The following EPC2 variants were observed in gnomAD, a reference collection of about 807,000 sequenced individuals.
EPC2 encodes enhancer of polycomb 2.
EPC2 carries 14 observed loss-of-function variants against 92.1 expected under a neutral mutation model. The observed-to-expected ratio is 0.15, with a 90% CI of 0.10 to 0.24. The LOEUF is 0.24. Ranked by LOEUF, EPC2 falls within the 10% of genes least tolerant of loss-of-function variation. EPC2 has a pLI of 1.00. For missense variants in EPC2, 755 were observed against 971.5 expected (o/e 0.78, Z 2.96); for synonymous variants, 340 against 334.7 (o/e 1.02, Z -0.17).
chr2:148,729,607 T>C (rs984061553), intron 2 of EPC2, among the ~76,000 whole-genome samples: 93 of 152,322 alleles, frequency 6.1e-4, no homozygotes, highest in African/African-American at 2.1e-3. Context: ...ATTACTGTCC[T>C]TCACCCAGTT....
chr2:148,744,399 A>G (rs1470107275), intron 3 of EPC2, among the ~76,000 whole-genome samples: 1 of 152,134 alleles, frequency 6.6e-6, no homozygotes, highest in Non-Finnish European at 1.5e-5. Context: ...AAGAATGTTC[A>G]GAATAAATAA....
At chr2:148,730,618 A>G (rs1682598550) in intron 2 of EPC2, among the ~76,000 whole-genome samples, 1 of 152,220 alleles carries the variant, frequency 6.6e-6, no homozygotes, top group South Asian at 2.1e-4. Context: ...GGTGAGTGCT[A>G]GAGTTTGAGA....
At chr2:148,679,694 G>T (rs1274661170) in intron 1 of EPC2, among the ~76,000 whole-genome samples, 2 of 152,146 alleles carry the variant, frequency 1.3e-5, no homozygotes, top group East Asian at 3.9e-4. Context: ...CTCCCAGGCT[G>T]GAGTGCCGTG....
intron 1 of EPC2, among the ~76,000 whole-genome samples, chr2:148,676,872 T>TG (rs70995327): frequency 0.035 from 5,001 of 141,534 alleles, 281 homozygotes; most frequent in African/African-American, 0.12. Context: ...CCACTTTTTT[T>TG]GGGGGGGGGG....
intron 2 of EPC2, among the ~76,000 whole-genome samples, chr2:148,716,642 C>T (rs905044384): frequency 2.6e-5 from 4 of 152,128 alleles, no homozygotes; most frequent in East Asian, 1.9e-4. Context: ...TAGATTCAGT[C>T]TGCCAGTATT....
chr2:148,755,042 C>T (rs1683159486), intron 4 of EPC2, among the ~76,000 whole-genome samples: 1 of 152,146 alleles, frequency 6.6e-6, no homozygotes, highest in South Asian at 2.1e-4. Context: ...TTGTCCTTGT[C>T]AGCTGTTAAT....
chr2:148,655,066 T>C (rs1009004517), intron 1 of EPC2, among the ~76,000 whole-genome samples: 4 of 152,188 alleles, frequency 2.6e-5, no homozygotes, highest in African/African-American at 9.7e-5. Flanking sequence ...TTGATGAGGG[T>C]AGTCATGCCA....
At chr2:148,685,590 C>T (rs1446302219) in intron 1 of EPC2, among the ~76,000 whole-genome samples, 1 of 152,106 alleles carries the variant, frequency 6.6e-6, no homozygotes, top group East Asian at 1.9e-4. Flanking sequence ...GAAACACCGT[C>T]TCTACTAAAA....
chr2:148,710,943 A>G (rs982844732), intron 2 of EPC2, among the ~76,000 whole-genome samples: 7 of 151,404 alleles, frequency 4.6e-5, no homozygotes, highest in African/African-American at 7.3e-5. Flanking sequence ...CACACACACA[A>G]TCTCCCCCAC....
intron 6 of EPC2, among the ~76,000 whole-genome samples, chr2:148,763,853 A>C (rs1032414177): frequency 1.6e-4 from 25 of 152,352 alleles, no homozygotes; most frequent in Admixed American, 3.9e-4. Flanking sequence ...GCATTGCAAT[A>C]TGAAAATCTT....
At chr2:148,652,888 A>C (rs1680715434) in intron 1 of EPC2, among the ~76,000 whole-genome samples, 1 of 152,092 alleles carries the variant, frequency 6.6e-6, no homozygotes, top group Non-Finnish European at 1.5e-5. Context: ...AATTTTCTTC[A>C]CTTTACTAGG....
chr2:148,660,143 C>T, intron 1 of EPC2, among the ~76,000 whole-genome samples: 1 of 152,014 alleles, frequency 6.6e-6, no homozygotes, highest in South Asian at 2.1e-4. Flanking sequence ...TACATTCTTC[C>T]ATACTTTTTT....
chr2:148,660,680 T>C (rs142941619), intron 1 of EPC2, among the ~76,000 whole-genome samples: 1 of 152,110 alleles, frequency 6.6e-6, no homozygotes, highest in South Asian at 2.1e-4. Context: ...TTAGAACTTT[T>C]GTAGTTTGTT....
At chr2:148,696,601 A>T (rs946826474) in intron 2 of EPC2, among the ~76,000 whole-genome samples, 1 of 148,842 alleles carries the variant, frequency 6.7e-6, no homozygotes, top group Non-Finnish European at 1.5e-5. Context: ...AGTATTGGTC[A>T]TAAAGGGTGC....
chr2:148,702,367 A>G (rs1186620956), intron 2 of EPC2, among the ~76,000 whole-genome samples: 1 of 152,164 alleles, frequency 6.6e-6, no homozygotes, highest in Non-Finnish European at 1.5e-5. Flanking sequence ...TTCCCTCACA[A>G]ATATTCATAG....
chr2:148,753,758 C>T, intron 3 of EPC2, 169 bp from the exon 4 acceptor site: 1 of 577,682 alleles, frequency 1.7e-6, no homozygotes, highest in Non-Finnish European at 3.0e-6. Context: ...GATAAATCTC[C>T]TAATTAATGA....
chr2:148,669,064 A>G (rs1681106165), intron 1 of EPC2, among the ~76,000 whole-genome samples: 1 of 152,018 alleles, frequency 6.6e-6, no homozygotes. Context: ...ATTTAGTTCA[A>G]AATAGTTTCT....
In EPC2 at chr2:148,769,960, C is replaced by T. The variant is rs556834888; in HGVS notation, c.1230+720C>T. 1.2e-3 allele frequency among the ~76,000 whole-genome samples: 177 copies of T among 152,096 alleles called. 1 individual carries two copies. Among genetic ancestry groups the T allele is most frequent in the African/African-American group, 4.1e-3 (172 of 41,508 alleles). On this transcript the variant is annotated intron_variant, in intron 8 of 13. Coordinates refer to ENST00000258484, the MANE Select transcript of EPC2 (RefSeq NM_015630.4). ...TGATGAGAGAAGGGAAAATTCTTAA[C>T]GAAAGGGGACAGACAGCATGATAAA...
intron 2 of EPC2, among the ~76,000 whole-genome samples, chr2:148,699,433 C>T (rs929139846): frequency 5.3e-5 from 8 of 152,158 alleles, no homozygotes; most frequent in African/African-American, 9.7e-5. Context: ...CCCTGAACTT[C>T]GCTGGTACAT....
Sources: allele counts gnomAD v4.1 joint callset (sites outside exome capture counted in the v4.1 genomes callset), GRCh38; gene constraint gnomAD v4.1.1; transcripts MANE v1.5; gene names NCBI Gene and HGNC (gene_info 2026-07-23, HGNC 2026-07-21).